The following CASC3 variants were observed in gnomAD, a reference collection of about 807,000 sequenced individuals.
CASC3 encodes the protein protein CASC3.
In CASC3, 30 loss-of-function variants were observed where a neutral mutation model predicts 80.5. The ratio of observed to expected loss-of-function variants is 0.37; its 90% CI spans 0.28 to 0.51. The LOEUF (loss-of-function observed/expected upper bound fraction) is 0.51. Among genes scored for constraint, CASC3 ranks in the 20% least tolerant of loss-of-function variants. The pLI is 0.94. For missense variants in CASC3, 824 were observed against 922.2 expected (o/e 0.89, Z 1.38); for synonymous variants, 312 against 333.6 (o/e 0.94, Z 0.70).
At chr17:40,162,222 G>T in intron 5 of CASC3, 69 bp downstream of exon 5, 1 of 1,463,346 alleles carries the variant, frequency 6.8e-7, no homozygotes, top group South Asian at 1.3e-5. Flanking sequence ...ACTTCGATTT[G>T]CCTGTATTTC....
intron 13 of CASC3, 80 bp downstream of exon 13, chr17:40,169,742 CTTTTTTTTTTT>C (rs56186811): frequency 3.1e-4 from 30 of 96,494 alleles, no homozygotes; most frequent in South Asian, 1.1e-3. Context: ...TTAATTAATG[CTTTTTTTTTTT>C]TTTTTTTTTT....
At position 40,171,783 on chromosome 17, in the gene CASC3, C is replaced by T. The variant is rs967918239; in HGVS notation, c.*1378C>T. On this transcript the variant is annotated 3_prime_UTR_variant, in exon 14 of 14. Transcript: ENST00000264645. ...CAAAGATGGTGGCTGTGTCTCTCCC[C>T]GGTAATGTCACTGTTTTTATTCCTT... The T allele has an allele frequency of 5.1e-6, 6 of 1,166,284 alleles. No individual in the cohort carries two copies. The highest frequency in any genetic ancestry group is 6.4e-6 in the Non-Finnish European group (6 of 930,600). 72.2% of individuals were successfully genotyped at this position (1,166,284 alleles called of 1,614,324 possible).
chr17:40,171,185 T>C lies in CASC3; in HGVS notation c.*780T>C. 1.0e-6 allele frequency: 1 copy of C among 985,984 alleles called. No individual in the cohort carries two copies. The highest frequency in any genetic ancestry group is 1.2e-6 in the Non-Finnish European group (1 of 829,934). The allele number at this position is 985,984 out of a possible 1,614,324, so 61.1% of individuals were successfully genotyped here. On this transcript the variant is annotated 3_prime_UTR_variant, in exon 14 of 14. Coordinates refer to ENST00000264645, the MANE Select transcript of CASC3 (RefSeq NM_007359.5). ...AGGAGTCTGAGCATCCATCAATACCTGTACTATGATGGGCTTCTGTTCTCT... is the reference window on the plus strand; with the variant it reads ...AGGAGTCTGAGCATCCATCAATACCCGTACTATGATGGGCTTCTGTTCTCT...
At chr17:40,158,713 G>T (rs902719759) in intron 3 of CASC3, among the ~76,000 whole-genome samples, 1 of 151,972 alleles carries the variant, frequency 6.6e-6, no homozygotes, top group African/African-American at 2.4e-5. Context: ...ATAGTAAAAA[G>T]AGAGAGAGAG....
chr17:40,152,704 A>G (rs1250391480), intron 3 of CASC3, among the ~76,000 whole-genome samples: 4 of 152,088 alleles, frequency 2.6e-5, no homozygotes, highest in South Asian at 2.1e-4. Flanking sequence ...GCTTCAAGCA[A>G]TCCTCCAGCC....
intron 10 of CASC3, 93 bp from the exon 11 acceptor site, chr17:40,168,110 A>C (rs1045524291): frequency 7.5e-7 from 1 of 1,336,730 alleles, no homozygotes; most frequent in East Asian, 2.3e-5. Context: ...GAGGACTTCC[A>C]TTCTGAGCCT....
Position 40,171,186 on chromosome 17 carries a change from GTAC to G in CASC3, c.*784_*786del. The G allele has an allele frequency of 3.0e-6, 3 of 985,982 alleles. No individual in the cohort carries two copies. The highest frequency in any genetic ancestry group is 3.6e-6 in the Non-Finnish European group (3 of 829,942). The allele number at this position is 985,982 out of a possible 1,614,324, so 61.1% of individuals were successfully genotyped here. ...GGAGTCTGAGCATCCATCAATACCTGTACTATGATGGGCTTCTGTTCTCTGCTG... is the reference window on the plus strand; with the variant it reads ...GGAGTCTGAGCATCCATCAATACCTGTATGATGGGCTTCTGTTCTCTGCTG... On this transcript the variant is annotated 3_prime_UTR_variant, in exon 14 of 14. Transcript: ENST00000264645.
chr17:40,155,110 C>T (rs181022853), intron 3 of CASC3, among the ~76,000 whole-genome samples: 7 of 151,872 alleles, frequency 4.6e-5, no homozygotes, highest in East Asian at 1.9e-4. Flanking sequence ...AGGATGATCT[C>T]GATCTCCTGA....
chr17:40,154,097 T>A (rs1486656761), intron 3 of CASC3, among the ~76,000 whole-genome samples: 1 of 146,530 alleles, frequency 6.8e-6, no homozygotes, highest in Non-Finnish European at 1.5e-5. Context: ...TGACTAATGA[T>A]GCTGAGCGTT....
intron 3 of CASC3, among the ~76,000 whole-genome samples, chr17:40,148,431 C>G (rs1308319737): frequency 6.6e-6 from 1 of 151,966 alleles, no homozygotes; most frequent in Non-Finnish European, 1.5e-5. Flanking sequence ...GTGGCGCAAT[C>G]TCAGCTAACT....
At chr17:40,158,832 C>A (rs1989217773) in intron 3 of CASC3, among the ~76,000 whole-genome samples, 1 of 151,994 alleles carries the variant, frequency 6.6e-6, no homozygotes, top group South Asian at 2.1e-4. Context: ...TATGTTCTGG[C>A]TGCAGGAATT....
intron 3 of CASC3, among the ~76,000 whole-genome samples, chr17:40,144,250 ACT>A (rs753592644): frequency 9.9e-5 from 15 of 151,840 alleles, no homozygotes; most frequent in Non-Finnish European, 1.8e-4. Context: ...CAAGAGGGAA[ACT>A]CTGTCTCAAA....
chr17:40,163,680 G>A lies in CASC3; in HGVS notation c.985G>A (p.Val329Met), dbSNP rs143992032. The change falls in exon 7 of 14, where the codon GTG (valine) becomes ATG (methionine). Residue 329 changes from valine (V) to methionine (M), a missense_variant. By Grantham distance (21) the Val-to-Met change is conservative. Around this residue, in one of 3 missense-constraint regions of CASC3, gnomAD observed 464 missense variants for 506.0 expected, o/e 0.92. Transcript: ENST00000264645. ...FKEGRAGFRP[V>M]EAGGQHGGRS... Reference sequence around the variant, plus strand: ...GGAAGGTCGTGCTGGTTTTAGGCCTGTGGAAGCTGGTGGGCAGCATGGTGG... The same window carrying A: ...GGAAGGTCGTGCTGGTTTTAGGCCTATGGAAGCTGGTGGGCAGCATGGTGG... 100 of 1,614,066 alleles carry A rather than the reference G, an allele frequency of 6.2e-5. 2 individuals carry two copies. The highest frequency in any genetic ancestry group is 3.6e-4 in the East Asian group (16 of 44,898).
At chr17:40,162,209 G>A in intron 5 of CASC3, 56 bp downstream of exon 5, 3 of 1,534,142 alleles carry the variant, frequency 2.0e-6, no homozygotes, top group Non-Finnish European at 2.6e-6. Flanking sequence ...ATGTAGGCCA[G>A]GTACTTCGAT....
Position 40,162,788 on chromosome 17 carries a change from G to T in CASC3, c.672G>T (p.Arg224=), listed in dbSNP as rs766496944. 2.5e-6 allele frequency: 4 copies of T among 1,613,986 alleles called. No homozygotes were observed. The Admixed American group carries it at 6.7e-5, about 27-fold the overall frequency. Residue 224 remains arginine, a synonymous_variant, in exon 6 of 14, where the codon CGG becomes CGT. Transcript: ENST00000264645. ...GTCGCTGGGAGCATGACAAGTTCCG[G>T]GAAGATGAGCAGGCCCCAAAGTCCC... ...DEGRWEHDKF[R]EDEQAPKSRQ...
chr17:40,159,439 G>A (rs574108953), intron 3 of CASC3, among the ~76,000 whole-genome samples: 1 of 151,868 alleles, frequency 6.6e-6, no homozygotes, highest in East Asian at 1.9e-4. Context: ...GCAGTGGTGC[G>A]ATCTCGGTTC....
chr17:40,171,962 T>G lies in CASC3; in HGVS notation c.*1557T>G, dbSNP rs2145187901. On this transcript the variant is annotated 3_prime_UTR_variant, in exon 14 of 14. Transcript: ENST00000264645. ...CCTTTTGTAGGCTGTTCCCTTTGCC[T>G]TAAACCTGAAGATGTCTCCTCAAGC... 1 of 1,288,150 alleles carries G rather than the reference T, an allele frequency of 7.8e-7. No homozygotes were observed. The highest frequency in any genetic ancestry group is 1.5e-5 in the African/African-American group (1 of 65,874). The allele number at this position is 1,288,150 out of a possible 1,614,324, so 79.8% of individuals were successfully genotyped here. A position where few individuals can be genotyped will look rare whatever the true frequency, so the allele number is the denominator to read the frequency against.
rs769293981 is a variant in CASC3, at chr17:40,168,433, A to T, written c.1965+16A>T. 5.6e-6 allele frequency: 9 copies of T among 1,604,828 alleles called. No individual in the cohort carries two copies. In the Admixed American group the frequency reaches 6.7e-5, roughly 12 times the overall value. ...TAATACACAGGTGAGATGGCTAATG[A>T]TCATGTTTTTCTAGATACACATTCT... On this transcript the variant is annotated intron_variant, in intron 11 of 13. Transcript: ENST00000264645.
chr17:40,167,945 C>T lies in CASC3; in HGVS notation c.1747C>T (p.Pro583Ser), dbSNP rs777597547. Reference sequence around the variant, plus strand: ...GCAGCCAGGAATGAACCTTCCCCACCCAGGTAAGCTTTGTGTCTCTGCTTA... The same window carrying T: ...GCAGCCAGGAATGAACCTTCCCCACTCAGGTAAGCTTTGTGTCTCTGCTTA... ...LVQPGMNLPH[P>S]GLHPHQTPAP... The change falls in exon 10 of 14, where the codon CCA becomes TCA. Residue 583 changes from proline to serine, a missense_variant. Coordinates refer to ENST00000264645, the MANE Select transcript of CASC3 (RefSeq NM_007359.5). 12 of 1,613,796 alleles carry T rather than the reference C, an allele frequency of 7.4e-6. No individual in the cohort carries two copies. Among genetic ancestry groups the T allele is most frequent in the Non-Finnish European group, 1.0e-5 (12 of 1,179,788 alleles).
Sources: allele counts gnomAD v4.1 joint callset (sites outside exome capture counted in the v4.1 genomes callset), GRCh38; gene constraint gnomAD v4.1.1; regional missense constraint gnomAD v4.1.1; transcripts MANE v1.5; gene names NCBI Gene and HGNC (gene_info 2026-07-23, HGNC 2026-07-21).